CLDN10: variants seen among roughly 807,000 people sequenced by gnomAD.
CLDN10 encodes the protein claudin-10.
CLDN10 carries 15 observed loss-of-function variants against 22.9 expected under a neutral mutation model. The ratio of observed to expected loss-of-function variants is 0.65; its 90% CI spans 0.44 to 1.01. The LOEUF is 1.01. Among genes scored for constraint, CLDN10 ranks in the 50% least tolerant of loss-of-function variants. The pLI is 0.00. For missense variants in CLDN10, 247 were observed against 287.8 expected (o/e 0.86, Z 1.03); for synonymous variants, 114 against 111.4 (o/e 1.02, Z -0.15).
Position 95,579,018 on chromosome 13 carries a change from A to T in CLDN10, c.*1004A>T, listed in dbSNP as rs543211290. 3 of 152,168 alleles carry T rather than the reference A, an allele frequency of 2.0e-5. No individual in the cohort carries two copies. Among genetic ancestry groups the T allele is most frequent in the Non-Finnish European group, 4.4e-5 (3 of 68,044 alleles). 9.4% of individuals were successfully genotyped at this position (152,168 alleles called of 1,614,324 possible). A position where few individuals can be genotyped will look rare whatever the true frequency, so the allele number is the denominator to read the frequency against. On this transcript the variant is annotated 3_prime_UTR_variant, in exon 5 of 5. Transcript: ENST00000299339. ...CATGGTTGACTGAGGAGCCAATTAA[A>T]ACCTGTTTATGCCTAGTGTTCCATT...
intron 1 of CLDN10, among the ~76,000 whole-genome samples, chr13:95,456,303 C>G (rs755258373): frequency 7.9e-5 from 12 of 152,316 alleles, no homozygotes; most frequent in Non-Finnish European, 1.2e-4. Context: ...ACGCTGCTTT[C>G]TTACCTATTC....
At chr13:95,520,557 G>C (rs1432188998) in intron 1 of CLDN10, among the ~76,000 whole-genome samples, 1 of 152,084 alleles carries the variant, frequency 6.6e-6, no homozygotes, top group Non-Finnish European at 1.5e-5. Flanking sequence ...ATTTTTATTA[G>C]AGATGGGATT....
rs982221003 is a variant in CLDN10 at position 95,579,618 on chromosome 13, C to T, written c.*1604C>T. On this transcript the variant is annotated 3_prime_UTR_variant, in exon 5 of 5. Transcript: ENST00000299339. ...GTAAGAAACTGTCCGATATGAATCA[C>T]AACGTGGGTGAATGTAGTATTTTCC... 13 of 152,036 alleles carry T rather than the reference C, an allele frequency of 8.6e-5. No individual in the cohort carries two copies. The highest frequency in any genetic ancestry group is 3.1e-4 in the African/African-American group (13 of 41,464). 9.4% of individuals were successfully genotyped at this position (152,036 alleles called of 1,614,324 possible).
intron 3 of CLDN10, among the ~76,000 whole-genome samples, chr13:95,567,157 G>T (rs991190326): frequency 2.0e-5 from 3 of 152,142 alleles, no homozygotes; most frequent in Admixed American, 6.5e-5. Context: ...ATATTGTGAA[G>T]AAAGTCAATG....
chr13:95,534,589 A>G (rs1431755494), intron 1 of CLDN10, among the ~76,000 whole-genome samples: 3 of 152,200 alleles, frequency 2.0e-5, no homozygotes, highest in Non-Finnish European at 4.4e-5. Context: ...TTATATAAAG[A>G]ATTTAGTATA....
chr13:95,548,025 G>A (rs1008414671), upstream of CLDN10, among the ~76,000 whole-genome samples: 1 of 152,196 alleles, frequency 6.6e-6, no homozygotes, highest in Non-Finnish European at 1.5e-5. Context: ...AGTGGTCTCG[G>A]AAGATATCCA....
At chr13:95,541,197 C>T (rs1045643993) in intron 1 of CLDN10, among the ~76,000 whole-genome samples, 3 of 152,222 alleles carry the variant, frequency 2.0e-5, no homozygotes, top group East Asian at 1.9e-4. Context: ...AGAAAATAAA[C>T]GGAACTCGTC....
rs539462961 is a variant in CLDN10 at position 95,457,071 on chromosome 13, C to T, written c.214+23024C>T. 5.3e-5 allele frequency among the ~76,000 whole-genome samples: 8 copies of T among 152,264 alleles called. No homozygotes were observed. In the East Asian group the frequency reaches 9.7e-4, roughly 18 times the overall value. ...CTCCCACAGCCTTCCTGTTGCGTCTCGGTCCCGCAAGTGTTCCTGTGATCC... is the reference window on the plus strand; with the variant it reads ...CTCCCACAGCCTTCCTGTTGCGTCTTGGTCCCGCAAGTGTTCCTGTGATCC... On this transcript the variant is annotated intron_variant, in intron 1 of 4. Coordinates refer to the CLDN10 transcript ENST00000376873.
In CLDN10 at chr13:95,466,907, C is replaced by T. The variant is rs535996829; in HGVS notation, c.214+32860C>T. On this transcript the variant is annotated intron_variant, in intron 1 of 4. Coordinates refer to the CLDN10 transcript ENST00000376873. ...TTTTTTTTTTTTTGAGACAGAGTCT[C>T]GCTCTGTCTCCCAGGCTGGAGTGCA... is the stretch of plus-strand genomic sequence containing the variant. Among the ~76,000 whole-genome samples, 663 of 136,628 alleles carry T rather than the reference C, an allele frequency of 4.9e-3. 6 individuals carry two copies. The highest frequency in any genetic ancestry group is 0.017 in the African/African-American group (624 of 35,672). The allele number at this position is 136,628 out of a possible 152,430, so 89.6% of individuals were successfully genotyped here.
intron 3 of CLDN10, among the ~76,000 whole-genome samples, chr13:95,567,365 T>G (rs967218231): frequency 6.6e-6 from 1 of 152,184 alleles, no homozygotes; most frequent in African/African-American, 2.4e-5. Flanking sequence ...TCCTAGATAT[T>G]GTATTCTCTT....
At chr13:95,516,512 T>C (rs1381291462) in intron 1 of CLDN10, among the ~76,000 whole-genome samples, 1 of 142,904 alleles carries the variant, frequency 7.0e-6, no homozygotes, top group Non-Finnish European at 1.5e-5. Context: ...AAGCTTTTTC[T>C]ATTTTAACTT....
Position 95,462,919 on chromosome 13 carries a change from C to T in CLDN10, c.214+28872C>T, listed in dbSNP as rs144259832. Reference sequence around the variant, plus strand: ...TGGAAGAAGAAAAACAATCTACGGGCTCAGGGATACAAAAGAGTAATGCCT... The same window carrying T: ...TGGAAGAAGAAAAACAATCTACGGGTTCAGGGATACAAAAGAGTAATGCCT... On this transcript the variant is annotated intron_variant, in intron 1 of 4. Coordinates refer to the CLDN10 transcript ENST00000376873. Among the ~76,000 whole-genome samples the T allele has an allele frequency of 3.5e-3, 530 of 152,256 alleles. 8 individuals carry two copies. The highest frequency in any genetic ancestry group is 0.012 in the African/African-American group (498 of 41,550).
At chr13:95,434,151 G>T (rs113058080) in intron 1 of CLDN10, 13 of 999,164 alleles carry the variant, frequency 1.3e-5, no homozygotes, top group African/African-American at 1.1e-4. Flanking sequence ...TGAAGACTGA[G>T]TGCTTAATCA....
intron 1 of CLDN10, among the ~76,000 whole-genome samples, chr13:95,506,826 C>T (rs927610955): frequency 1.3e-5 from 2 of 152,174 alleles, no homozygotes; most frequent in African/African-American, 4.8e-5. Flanking sequence ...CCACAAACTC[C>T]TAAAAGTGAC....
intron 1 of CLDN10, among the ~76,000 whole-genome samples, chr13:95,472,871 T>TCCC (rs2042649510): frequency 6.6e-6 from 1 of 151,902 alleles, no homozygotes; most frequent in African/African-American, 2.4e-5. Flanking sequence ...CCTGGTGCAG[T>TCCC]GGCTCACACC....
chr13:95,482,738 A>T (rs564059433), intron 1 of CLDN10, among the ~76,000 whole-genome samples: 3 of 152,298 alleles, frequency 2.0e-5, no homozygotes, highest in Admixed American at 1.3e-4. Flanking sequence ...GCACTTTGGG[A>T]GGCTGAGGTG....
chr13:95,540,019 G>A (rs1433339560), intron 1 of CLDN10, among the ~76,000 whole-genome samples: 1 of 152,078 alleles, frequency 6.6e-6, no homozygotes, highest in East Asian at 1.9e-4. Flanking sequence ...GCCTGACGTG[G>A]CCAGGCGCGG....
chr13:95,499,707 GC>G (rs1332240825), intron 1 of CLDN10, among the ~76,000 whole-genome samples: 1 of 152,162 alleles, frequency 6.6e-6, no homozygotes, highest in African/African-American at 2.4e-5. Context: ...GAGGGAAACT[GC>G]CTAAGGGGGT....
intron 1 of CLDN10, among the ~76,000 whole-genome samples, chr13:95,491,239 A>G (rs1017882730): frequency 4.6e-5 from 7 of 152,026 alleles, no homozygotes; most frequent in African/African-American, 1.7e-4. Context: ...GAGCATTTAG[A>G]CCATTTATAT....
Sources: allele counts gnomAD v4.1 joint callset (sites outside exome capture counted in the v4.1 genomes callset), GRCh38; gene constraint gnomAD v4.1.1; transcripts MANE v1.5; gene names NCBI Gene and HGNC (gene_info 2026-07-23, HGNC 2026-07-21).